Variants in MTREX observed in about 807,000 individuals in gnomAD.
The protein encoded by MTREX is Mtr4 exosome RNA helicase.
A neutral mutation model predicts 135.4 loss-of-function variants in MTREX; 76 were observed. The observed-to-expected ratio is 0.56, with a 90% CI of 0.47 to 0.68. The LOEUF is 0.68. Ranked by LOEUF, MTREX falls within the 30% of genes least tolerant of loss-of-function variation. The pLI, the probability that MTREX is intolerant of heterozygous loss-of-function variation, is 0.00. For synonymous variants in MTREX, 404 were observed against 401.6 expected (o/e 1.01, Z -0.07); for missense variants, 920 against 1,262.1 (o/e 0.73, Z 4.11).
At position 55,331,862 on chromosome 5, in the gene MTREX, C is replaced by T. The variant is rs1749482271; in HGVS notation, c.515+3051C>T. On this transcript the variant is annotated intron_variant, in intron 5 of 26. Transcript: ENST00000230640. ...CTCTTGGGGCGTACTGTTCTTATAT[C>T]CAGTGTATGAAACCACTGTTTCATA... is the stretch of plus-strand genomic sequence containing the variant. Among the ~76,000 whole-genome samples the T allele has an allele frequency of 5.9e-5, 9 of 152,174 alleles. 1 individual carries two copies. The South Asian group carries it at 1.9e-3, about 32-fold the overall frequency.
intron 8 of MTREX, 104 bp downstream of exon 8, chr5:55,343,559 A>G (rs1749685480): frequency 2.0e-6 from 2 of 988,026 alleles, no homozygotes; most frequent in African/African-American, 1.6e-5. Flanking sequence ...CAGAATAATA[A>G]AAAAAACATT....
chr5:55,328,055 A>G (rs1012953036), intron 4 of MTREX, among the ~76,000 whole-genome samples: 3 of 152,160 alleles, frequency 2.0e-5, no homozygotes, highest in Admixed American at 6.5e-5. Flanking sequence ...AAAAAAATAC[A>G]TGTGTACTAG....
intron 3 of MTREX, among the ~76,000 whole-genome samples, chr5:55,326,931 G>A (rs984800429): frequency 3.9e-5 from 6 of 151,986 alleles, no homozygotes; most frequent in African/African-American, 1.2e-4. Flanking sequence ...TCCCACTTAC[G>A]AGTGAGAACA....
intron 16 of MTREX, among the ~76,000 whole-genome samples, chr5:55,373,955 T>G (rs991515662): frequency 6.6e-6 from 1 of 152,062 alleles, no homozygotes; most frequent in Non-Finnish European, 1.5e-5. Context: ...TTAGTTACTG[T>G]TATGTAACAT....
At chr5:55,360,007 T>C (rs1207002260) in intron 15 of MTREX, among the ~76,000 whole-genome samples, 1 of 152,078 alleles carries the variant, frequency 6.6e-6, no homozygotes, top group African/African-American at 2.4e-5. Context: ...ATTCATAGAG[T>C]TTTGTCACCA....
At chr5:55,379,069 GA>G in intron 17 of MTREX, 57 bp from the exon 18 acceptor site, 2 of 1,221,262 alleles carry the variant, frequency 1.6e-6, no homozygotes, top group Non-Finnish European at 2.4e-6. Flanking sequence ...GTGAAAGGCT[GA>G]AATTGCCTTG....
At chr5:55,369,993 G>A (rs573752207) in intron 16 of MTREX, among the ~76,000 whole-genome samples, 15 of 150,000 alleles carry the variant, frequency 1.0e-4, no homozygotes, top group Admixed American at 4.7e-4. Flanking sequence ...GCACGATCTC[G>A]GCTCACCCCA....
At chr5:55,321,102 CTG>C (rs1318026663) in intron 1 of MTREX, among the ~76,000 whole-genome samples, 1 of 152,090 alleles carries the variant, frequency 6.6e-6, no homozygotes, top group East Asian at 1.9e-4. Context: ...AGTGGTTTGA[CTG>C]TTGCCATTTT....
In MTREX at chr5:55,393,741, T is replaced by C. The variant is rs1750604725; in HGVS notation, c.2182-3675T>C. 2.6e-5 allele frequency among the ~76,000 whole-genome samples: 4 copies of C among 152,248 alleles called. No homozygotes were observed. The South Asian group carries it at 8.3e-4, about 32-fold the overall frequency. ...GTGCTGCATCATGTTGAACCTGAAT[T>C]CTGAGTTATATCATGAAGGTAATTA... On this transcript the variant is annotated intron_variant, in intron 19 of 26. Coordinates refer to ENST00000230640, the MANE Select transcript of MTREX (RefSeq NM_015360.5).
chr5:55,399,149 T>C (rs1000957011), intron 20 of MTREX, among the ~76,000 whole-genome samples: 8 of 152,154 alleles, frequency 5.3e-5, no homozygotes, highest in Non-Finnish European at 1.0e-4. Context: ...CTGCTTTGAT[T>C]AGGGCAGACA....
At chr5:55,373,227 A>G (rs1443685497) in intron 16 of MTREX, among the ~76,000 whole-genome samples, 9 of 150,452 alleles carry the variant, frequency 6.0e-5, no homozygotes, top group Non-Finnish European at 1.2e-4. Context: ...GGGATTCTGT[A>G]TTATGTCTTG....
At chr5:55,369,838 T>C (rs1408354747) in intron 16 of MTREX, among the ~76,000 whole-genome samples, 1 of 152,222 alleles carries the variant, frequency 6.6e-6, no homozygotes, top group Non-Finnish European at 1.5e-5. Context: ...GTGTTATTTC[T>C]TTTTACCAAT....
chr5:55,362,447 G>A (rs577752666), intron 15 of MTREX, among the ~76,000 whole-genome samples: 3 of 151,864 alleles, frequency 2.0e-5, no homozygotes, highest in East Asian at 3.9e-4. Context: ...TGCGACCTCC[G>A]CCTCCTGGGT....
Position 55,359,908 on chromosome 5 carries a change from T to C in MTREX, c.1659+1210T>C, listed in dbSNP as rs1164116203. 1.2e-4 allele frequency among the ~76,000 whole-genome samples: 18 copies of C among 152,210 alleles called. 1 individual carries two copies. Among genetic ancestry groups the C allele is most frequent in the Admixed American group, 1.0e-3 (16 of 15,282 alleles). On this transcript the variant is annotated intron_variant, in intron 15 of 26. Transcript: ENST00000230640. ...AAGTGTAAAGTTCTATCACCTTTCA[T>C]TGCATTTTTAAAATTAACTTTTCTA...
chr5:55,405,738 TTTAAGTGATTTTAAAAATAACCA>T, intron 22 of MTREX, 150 bp downstream of exon 22: 1 of 528,248 alleles, frequency 1.9e-6, no homozygotes, highest in Non-Finnish European at 3.3e-6. Context: ...GCCTCGCAGT[TTTAAGTGATTTTAAAAATAACCA>T]TTATCTTTAG....
chr5:55,343,970 C>T (rs1010641863), intron 8 of MTREX, among the ~76,000 whole-genome samples: 1 of 152,004 alleles, frequency 6.6e-6, no homozygotes, highest in Admixed American at 6.6e-5. Flanking sequence ...TTTATTCTTG[C>T]TTTTATTTTT....
chr5:55,397,557 AT>A lies in MTREX; in HGVS notation c.2292+35del, dbSNP rs779341383. The A allele has an allele frequency of 3.6e-6, 5 of 1,380,944 alleles. No individual in the cohort carries two copies. The African/African-American group carries it at 7.2e-5, about 20-fold the overall frequency. 85.5% of individuals were successfully genotyped at this position (1,380,944 alleles called of 1,614,324 possible). A position where few individuals can be genotyped will look rare whatever the true frequency, so the allele number is the denominator to read the frequency against. On this transcript the variant is annotated intron_variant, in intron 20 of 26. Coordinates refer to ENST00000230640, the MANE Select transcript of MTREX (RefSeq NM_015360.5). ...TGTTAATTTCATAAGTTAAGTATAA[AT>A]TTTATGTAAATACAGGTAGTGTTTA...
intron 14 of MTREX, among the ~76,000 whole-genome samples, chr5:55,354,035 A>G (rs1454553306): frequency 2.0e-5 from 3 of 152,230 alleles, no homozygotes; most frequent in Non-Finnish European, 4.4e-5. Flanking sequence ...AGGTGAAACA[A>G]TGAACTGGGG....
At chr5:55,384,378 T>C (rs1414378136) in intron 18 of MTREX, among the ~76,000 whole-genome samples, 1 of 152,242 alleles carries the variant, frequency 6.6e-6, no homozygotes. Flanking sequence ...TTCTGTTTCT[T>C]CATCGATATG....
Sources: allele counts gnomAD v4.1 joint callset (sites outside exome capture counted in the v4.1 genomes callset), GRCh38; gene constraint gnomAD v4.1.1; transcripts MANE v1.5; gene names NCBI Gene and HGNC (gene_info 2026-07-23, HGNC 2026-07-21).